The following AUH variants were observed in gnomAD, a reference collection of about 807,000 sequenced individuals.
AUH encodes the protein methylglutaconyl-CoA hydratase, mitochondrial.
AUH carries 29 observed loss-of-function variants against 42.3 expected under a neutral mutation model. The observed-to-expected ratio is 0.69, with a 90% CI of 0.51 to 0.93. AUH has a LOEUF of 0.93. AUH is among the 40% of genes least tolerant of loss of function. AUH has a pLI of 0.00. For synonymous variants in AUH, 174 were observed against 166.4 expected (o/e 1.05, Z -0.35); for missense variants, 452 against 438.1 (o/e 1.03, Z -0.28).
At chr9:91,289,317 C>T (rs1488087195) in intron 6 of AUH, among the ~76,000 whole-genome samples, 2 of 152,100 alleles carry the variant, frequency 1.3e-5, no homozygotes, top group Non-Finnish European at 2.9e-5. Flanking sequence ...TCTATTTTTT[C>T]CACAATATTT....
At chr9:91,356,179 C>A in intron 1 of AUH, 24 bp from the exon 2 acceptor site, 1 of 1,603,112 alleles carries the variant, frequency 6.2e-7, no homozygotes, top group East Asian at 2.2e-5. Context: ...AAAAAAAGTA[C>A]AAGCACTTGA....
At chr9:91,238,553 G>C (rs1828318961) in intron 6 of AUH, among the ~76,000 whole-genome samples, 1 of 152,204 alleles carries the variant, frequency 6.6e-6, no homozygotes, top group Non-Finnish European at 1.5e-5. Flanking sequence ...ACTACCACAA[G>C]TGGCAAAACT....
intron 4 of AUH, among the ~76,000 whole-genome samples, chr9:91,319,125 A>G (rs960812487): frequency 6.6e-6 from 1 of 152,118 alleles, no homozygotes; most frequent in African/African-American, 2.4e-5. Flanking sequence ...CGTATTGTTA[A>G]AACACTTTTT....
intron 3 of AUH, among the ~76,000 whole-genome samples, chr9:91,344,473 C>A (rs1249156591): frequency 6.6e-6 from 1 of 152,182 alleles, no homozygotes; most frequent in African/African-American, 2.4e-5. Context: ...TCTCCTGGGG[C>A]TGGTCACTCA....
chr9:91,342,880 C>G lies in AUH; in HGVS notation c.418+13003G>C, dbSNP rs1298124614. On this transcript the variant is annotated intron_variant, in intron 3 of 9. Coordinates refer to ENST00000375731, the MANE Select transcript of AUH (RefSeq NM_001698.3). ...ACCCCTTTGAGACAGCAAGACAACCCCTCCTCTTTCTCCTTAACCTACTCA... is the reference window on the plus strand; with the variant it reads ...ACCCCTTTGAGACAGCAAGACAACCGCTCCTCTTTCTCCTTAACCTACTCA... 2.0e-5 allele frequency: 3 copies of G among 152,388 alleles called. No homozygotes were observed. In the South Asian group the frequency reaches 6.2e-4, roughly 31 times the overall value. 9.4% of individuals were successfully genotyped at this position (152,388 alleles called of 1,614,324 possible).
chr9:91,289,070 T>C (rs1430547120), intron 6 of AUH, among the ~76,000 whole-genome samples: 4 of 152,180 alleles, frequency 2.6e-5, no homozygotes, highest in Non-Finnish European at 4.4e-5. Context: ...TGACAATCAA[T>C]AGCATCACAT....
intron 6 of AUH, among the ~76,000 whole-genome samples, chr9:91,231,427 C>T (rs924106740): frequency 8.5e-5 from 13 of 152,184 alleles, no homozygotes; most frequent in South Asian, 2.1e-4. Flanking sequence ...ACACGGTGCG[C>T]GCACCCACTG....
chr9:91,282,377 C>A (rs1826037327), intron 6 of AUH, among the ~76,000 whole-genome samples: 1 of 152,006 alleles, frequency 6.6e-6, no homozygotes, highest in Non-Finnish European at 1.5e-5. Context: ...CCATAATACA[C>A]AATTTATCAT....
At chr9:91,285,944 C>T (rs1587772952) in intron 6 of AUH, among the ~76,000 whole-genome samples, 1 of 152,152 alleles carries the variant, frequency 6.6e-6, no homozygotes, top group East Asian at 1.9e-4. Context: ...GTTCTTTCTT[C>T]ACATCGGTAA....
intron 6 of AUH, among the ~76,000 whole-genome samples, chr9:91,286,313 A>G (rs1826402891): frequency 6.6e-6 from 1 of 152,148 alleles, no homozygotes; most frequent in Non-Finnish European, 1.5e-5. Flanking sequence ...GATGTACAGT[A>G]ATGCCCCCAG....
chr9:91,271,763 C>T (rs1825147398), intron 6 of AUH, among the ~76,000 whole-genome samples: 2 of 152,198 alleles, frequency 1.3e-5, no homozygotes, highest in African/African-American at 4.8e-5. Flanking sequence ...TCACTGCAGC[C>T]TCCGCCTCCC....
At chr9:91,273,075 G>A (rs1247042850) in intron 6 of AUH, among the ~76,000 whole-genome samples, 3 of 152,156 alleles carry the variant, frequency 2.0e-5, no homozygotes, top group Admixed American at 6.5e-5. Flanking sequence ...GGTGGCCCCC[G>A]AAACTACCAG....
At chr9:91,246,197 A>G (rs567392379) in intron 6 of AUH, among the ~76,000 whole-genome samples, 1 of 152,342 alleles carries the variant, frequency 6.6e-6, no homozygotes, top group African/African-American at 2.4e-5. Flanking sequence ...TGAGCCCTCA[A>G]CCAGAATCAA....
rs190002997 is a variant in AUH at position 91,328,890 on chromosome 9, T to C, written c.419-3486A>G. 3.3e-4 allele frequency among the ~76,000 whole-genome samples: 50 copies of C among 152,282 alleles called. 1 individual carries two copies. The East Asian group carries it at 5.8e-3, about 18-fold the overall frequency. On this transcript the variant is annotated intron_variant, in intron 3 of 9. Transcript: ENST00000375731. ...TCAATCTGATCTTAGAACACCTCCA[T>C]TATCACAAAAAGATCTCTCATGCCC...
chr9:91,316,512 T>G (rs1297724866), intron 4 of AUH, among the ~76,000 whole-genome samples: 1 of 152,240 alleles, frequency 6.6e-6, no homozygotes, highest in Non-Finnish European at 1.5e-5. Flanking sequence ...TAAATCTTCC[T>G]GCCTGGTAAT....
intron 4 of AUH, among the ~76,000 whole-genome samples, chr9:91,304,959 C>T (rs1564083042): frequency 6.6e-6 from 1 of 152,254 alleles, no homozygotes; most frequent in East Asian, 1.9e-4. Context: ...TGGTCAACTG[C>T]AGTTTGAAAA....
At chr9:91,330,762 T>G (rs1249842191) in intron 3 of AUH, among the ~76,000 whole-genome samples, 1 of 152,204 alleles carries the variant, frequency 6.6e-6, no homozygotes, top group Non-Finnish European at 1.5e-5. Context: ...AGACGAATGG[T>G]ACAGGCTGAA....
At chr9:91,291,326 G>A (rs1389009885) in intron 6 of AUH, among the ~76,000 whole-genome samples, 2 of 152,080 alleles carry the variant, frequency 1.3e-5, no homozygotes, top group African/African-American at 4.8e-5. Context: ...TGGGGGTGGA[G>A]GCGGCATGCC....
At chr9:91,294,632 A>C (rs776761266) in intron 6 of AUH, 11 of 449,724 alleles carry the variant, frequency 2.4e-5, no homozygotes, top group Non-Finnish European at 4.0e-5. Flanking sequence ...TGGGCAAATT[A>C]AATTGAAAAC....
Sources: allele counts gnomAD v4.1 joint callset (sites outside exome capture counted in the v4.1 genomes callset), GRCh38; gene constraint gnomAD v4.1.1; transcripts MANE v1.5; gene names NCBI Gene and HGNC (gene_info 2026-07-23, HGNC 2026-07-21).